HM13: variants seen among roughly 807,000 people sequenced by gnomAD.
HM13 encodes histocompatibility minor 13, also known as signal peptide peptidase.
A neutral mutation model predicts 50.0 loss-of-function variants in HM13; 18 were observed. The observed-to-expected ratio is 0.36, with a 90% CI of 0.25 to 0.53. The LOEUF (loss-of-function observed/expected upper bound fraction) is 0.53, where lower values mean the gene tolerates loss of function less well. HM13 is among the 20% of genes least tolerant of loss of function. HM13 has a pLI of 0.90. For synonymous variants in HM13, 197 were observed against 232.6 expected (o/e 0.85, Z 1.39); for missense variants, 393 against 552.4 (o/e 0.71, Z 2.89).
intron 4 of HM13, 166 bp from the exon 5 acceptor site, chr20:31,548,863 T>A: frequency 1.5e-6 from 1 of 684,126 alleles, no homozygotes; most frequent in Admixed American, 2.2e-5. Context: ...TCCAGTGAGC[T>A]CTCCCCTTCT....
intron 3 of HM13, chr20:31,541,780 A>G (rs2122600962): frequency 6.6e-6 from 1 of 152,360 alleles, no homozygotes; most frequent in African/African-American, 2.4e-5. Flanking sequence ...CAGTGTTGTT[A>G]GAATTTTGAT....
At chr20:31,529,596 T>A (rs117744134) in intron 2 of HM13, among the ~76,000 whole-genome samples, 42 of 152,188 alleles carry the variant, frequency 2.8e-4, no homozygotes, top group Middle Eastern at 3.4e-3. Context: ...TCATTGAAAA[T>A]TCCTCAAGGA....
chr20:31,548,323 T>C (rs2122621328), intron 4 of HM13: 1 of 342,334 alleles, frequency 2.9e-6, no homozygotes, highest in Non-Finnish European at 5.4e-6. Flanking sequence ...TCTAGTTGTC[T>C]TCTTAGGAAG....
chr20:31,527,429 C>T (rs1011206483), intron 1 of HM13, 55 bp from the exon 2 acceptor site: 2 of 1,257,130 alleles, frequency 1.6e-6, no homozygotes, highest in Non-Finnish European at 2.3e-6. Context: ...CAGAGCCTTG[C>T]AGGAACATAT....
chr20:31,545,920 C>T (rs1057100765), intron 4 of HM13, among the ~76,000 whole-genome samples: 12 of 152,084 alleles, frequency 7.9e-5, no homozygotes, highest in African/African-American at 2.9e-4. Context: ...TGGTCTCAAA[C>T]TCCTGACCTC....
intron 3 of HM13, among the ~76,000 whole-genome samples, chr20:31,543,023 C>T (rs1187905227): frequency 1.3e-5 from 2 of 152,190 alleles, no homozygotes; most frequent in Non-Finnish European, 2.9e-5. Flanking sequence ...GGGCAGAGTT[C>T]TTATCCATAC....
At chr20:31,562,646 G>A (rs1600669210) in intron 10 of HM13, 1 of 152,104 alleles carries the variant, frequency 6.6e-6, no homozygotes, top group Admixed American at 6.5e-5. Context: ...AAATACAGAC[G>A]AGCCATCTTT....
chr20:31,560,155 C>T (rs985383060), intron 9 of HM13, among the ~76,000 whole-genome samples: 1 of 152,186 alleles, frequency 6.6e-6, no homozygotes, highest in African/African-American at 2.4e-5. Context: ...CTGTTGTAGA[C>T]AGTGAGCACG....
At chr20:31,561,862 G>C (rs1220770745) in intron 10 of HM13, 126 bp downstream of exon 10, 9 of 707,758 alleles carry the variant, frequency 1.3e-5, no homozygotes, top group Non-Finnish European at 2.3e-5. Context: ...GAGCAGTCAT[G>C]TCTGTGATTC....
At chr20:31,526,545 A>G (rs1982504517) in intron 1 of HM13, among the ~76,000 whole-genome samples, 1 of 152,136 alleles carries the variant, frequency 6.6e-6, no homozygotes, top group Non-Finnish European at 1.5e-5. Flanking sequence ...ATAATACTGA[A>G]ATTATTTTGA....
Position 31,514,824 on chromosome 20 carries a change from C to T in HM13, c.183+90C>T, listed in dbSNP as rs568099773. On this transcript the variant is annotated intron_variant, in intron 1 of 12. Coordinates refer to ENST00000398174, the MANE Select transcript of HM13 (RefSeq NM_178581.3). This position sits in a 1 kb window ranked among gnomAD's most constrained non-coding sequence, Gnocchi z 4.3. The stretch of plus-strand genomic sequence containing the variant: ...TCCTAGGCGGGACAGACACCTCTCC[C>T]CGGACACTGACTCTTCCCAGCCCTG... The T allele has an allele frequency of 1.7e-6, 2 of 1,167,836 alleles. No individual in the cohort carries two copies. The highest frequency in any genetic ancestry group is 5.6e-5 in the Admixed American group (2 of 35,468). 72.3% of individuals were successfully genotyped at this position (1,167,836 alleles called of 1,614,324 possible).
intron 6 of HM13, 60 bp from the exon 7 acceptor site, chr20:31,550,004 C>A: frequency 8.0e-7 from 1 of 1,252,478 alleles, no homozygotes; most frequent in Non-Finnish European, 1.2e-6. Context: ...CCAGGGACAG[C>A]CATTCTTCCC....
chr20:31,561,712 C>A lies in HM13; in HGVS notation c.924C>A (p.Ile308=), dbSNP rs1984625612. ...YIFGLGLTIF[I]MHIFKHAQPA... Reference sequence around the variant, plus strand: ...TCGGCCTGGGCCTTACCATCTTCATCATGCACATCTTCAAGCATGCTCAGG... The same window carrying A: ...TCGGCCTGGGCCTTACCATCTTCATAATGCACATCTTCAAGCATGCTCAGG... Residue 308 remains isoleucine (I), a synonymous_variant, in exon 10 of 13, where the codon ATC becomes ATA. Coordinates refer to ENST00000398174, the MANE Select transcript of HM13 (RefSeq NM_178581.3). 5 of 1,612,332 alleles carry A rather than the reference C, an allele frequency of 3.1e-6. No homozygotes were observed. The highest frequency in any genetic ancestry group is 4.2e-6 in the Non-Finnish European group (5 of 1,178,410).
At chr20:31,541,807 CA>C (rs1428557226) in intron 3 of HM13, 1 of 152,218 alleles carries the variant, frequency 6.6e-6, no homozygotes, top group African/African-American at 2.4e-5. Context: ...CCTGTATCCA[CA>C]AACTTAGACC....
intron 2 of HM13, among the ~76,000 whole-genome samples, chr20:31,534,747 A>C (rs1269977968): frequency 6.6e-6 from 1 of 151,596 alleles, no homozygotes; most frequent in Non-Finnish European, 1.5e-5. Flanking sequence ...AGGCCACTGC[A>C]CTCCAGCCTA....
intron 4 of HM13, chr20:31,547,648 C>G: frequency 1.9e-6 from 3 of 1,571,272 alleles, no homozygotes; most frequent in African/African-American, 1.4e-5. Flanking sequence ...TAAGAAAGAT[C>G]CTGTCAAAAT....
intron 2 of HM13, among the ~76,000 whole-genome samples, chr20:31,529,731 C>T (rs1284822757): frequency 6.6e-6 from 1 of 152,106 alleles, no homozygotes; most frequent in Non-Finnish European, 1.5e-5. Context: ...CCCTGGCCAA[C>T]AATGGTGAAA....
chr20:31,526,504 GT>G (rs1982501717), intron 1 of HM13, among the ~76,000 whole-genome samples: 1 of 152,120 alleles, frequency 6.6e-6, no homozygotes, highest in African/African-American at 2.4e-5. Flanking sequence ...ATGTTGATCT[GT>G]TACTCCATTT....
intron 1 of HM13, among the ~76,000 whole-genome samples, chr20:31,518,856 CAT>C (rs1360057606): frequency 2.0e-5 from 3 of 151,232 alleles, no homozygotes; most frequent in Admixed American, 6.6e-5. Context: ...AAAATATATA[CAT>C]ATATATATAG....
Sources: gnomAD v4.1 joint callset for allele counts (sites outside exome capture counted in the v4.1 genomes callset) on GRCh38, gnomAD v4.1.1 for gene constraint, Gnocchi (gnomAD v3.1) non-coding constraint, MANE v1.5 for transcripts, NCBI Gene and HGNC (gene_info 2026-07-23, HGNC 2026-07-21) for gene names.